The following ADAM19 variants were observed in gnomAD, a reference collection of about 807,000 sequenced individuals.
The protein encoded by ADAM19 is disintegrin and metalloproteinase domain-containing protein 19.
In ADAM19, 65 loss-of-function variants were observed where a neutral mutation model predicts 114.7. The ratio of observed to expected loss-of-function variants is 0.57; its 90% CI spans 0.46 to 0.70. ADAM19 has a LOEUF of 0.70. Among genes scored for constraint, ADAM19 ranks in the 30% least tolerant of loss-of-function variants. ADAM19 has a pLI of 0.00. For synonymous variants in ADAM19, 466 were observed against 460.5 expected (o/e 1.01, Z -0.15); for missense variants, 1,063 against 1,204.7 (o/e 0.88, Z 1.74).
chr5:157,523,296 T>G (rs939796980), intron 5 of ADAM19, among the ~76,000 whole-genome samples: 2 of 152,172 alleles, frequency 1.3e-5, no homozygotes. Context: ...TATTCTACAG[T>G]GTATTGAAAA....
chr5:157,511,267 C>G (rs1755912419), intron 8 of ADAM19, among the ~76,000 whole-genome samples: 1 of 152,090 alleles, frequency 6.6e-6, no homozygotes, highest in Non-Finnish European at 1.5e-5. Context: ...GTAGGTACTG[C>G]CCCAGCTGAA....
At chr5:157,481,607 T>C (rs374108235) in intron 22 of ADAM19, 184 bp downstream of exon 22, 4 of 1,537,620 alleles carry the variant, frequency 2.6e-6, no homozygotes, top group South Asian at 2.4e-5. Context: ...ACCTTTCACA[T>C]GAAGCCAAAA....
chr5:157,508,621 A>C (rs1458858812), intron 9 of ADAM19, among the ~76,000 whole-genome samples: 1 of 152,114 alleles, frequency 6.6e-6, no homozygotes, highest in Non-Finnish European at 1.5e-5. Context: ...AAAAAAGAAA[A>C]GAAGACAAAT....
chr5:157,538,929 C>T, intron 3 of ADAM19, among the ~76,000 whole-genome samples: 1 of 152,040 alleles, frequency 6.6e-6, no homozygotes, highest in South Asian at 2.1e-4. Flanking sequence ...CTTTGGGAGA[C>T]TGAGGTGGGC....
chr5:157,560,907 A>T (rs1049828223), intron 3 of ADAM19, among the ~76,000 whole-genome samples: 1 of 152,228 alleles, frequency 6.6e-6, no homozygotes, highest in Non-Finnish European at 1.5e-5. Context: ...AATACAAACA[A>T]GGCACTCTGC....
intron 9 of ADAM19, among the ~76,000 whole-genome samples, chr5:157,508,686 T>A (rs1029357699): frequency 1.1e-4 from 17 of 151,890 alleles, no homozygotes; most frequent in African/African-American, 3.9e-4. Flanking sequence ...CCTTCAGAAG[T>A]CAACACTAAT....
chr5:157,523,720 C>G (rs1217147882), intron 5 of ADAM19, among the ~76,000 whole-genome samples: 4 of 152,160 alleles, frequency 2.6e-5, no homozygotes, highest in Admixed American at 2.0e-4. Flanking sequence ...AATTACCCAG[C>G]CTTACGTATT....
chr5:157,513,629 T>C lies in ADAM19; in HGVS notation c.667-124A>G, dbSNP rs147243829. The C allele has an allele frequency of 6.0e-6, 5 of 832,680 alleles. No individual in the cohort carries two copies. The African/African-American group carries it at 6.8e-5, about 11-fold the overall frequency. 51.6% of individuals were successfully genotyped at this position (832,680 alleles called of 1,614,324 possible). ...TGTCTTCTATGAGCCATCATTTTTATGCAATTGTCTTCCCCACCACAGTAA... is the reference window on the plus strand; with the variant it reads ...TGTCTTCTATGAGCCATCATTTTTACGCAATTGTCTTCCCCACCACAGTAA... On this transcript the variant is annotated intron_variant, in intron 7 of 22. Transcript: ENST00000257527.
chr5:157,554,620 C>G (rs1416751391), intron 3 of ADAM19, among the ~76,000 whole-genome samples: 1 of 152,208 alleles, frequency 6.6e-6, no homozygotes, highest in Non-Finnish European at 1.5e-5. Flanking sequence ...TTAAGGTCAA[C>G]TCTTCTTAAT....
chr5:157,547,810 A>G (rs1757089775), intron 3 of ADAM19, among the ~76,000 whole-genome samples: 1 of 152,164 alleles, frequency 6.6e-6, no homozygotes, highest in African/African-American at 2.4e-5. Flanking sequence ...TTCTCTTTAT[A>G]TCAGCTACCT....
At position 157,564,403 on chromosome 5, in the gene ADAM19, C is replaced by T. The variant is rs770496865; in HGVS notation, c.221G>A (p.Arg74Gln). The change falls in exon 3 of 23, where the codon CGA (arginine) becomes CAA (glutamine). Residue 74 changes from arginine to glutamine, a missense_variant. Transcript: ENST00000257527. ...KAELRVMAEG[R>Q]ELILDLEKNE... ...CTTCTCCAGGTCCAGGATCAGTTCT[C>T]GCCCCTCAGCCATTACCCTGAGCTC... 9.9e-6 allele frequency: 16 copies of T among 1,614,078 alleles called. No individual in the cohort carries two copies. The highest frequency in any genetic ancestry group is 6.7e-5 in the East Asian group (3 of 44,902).
chr5:157,556,675 TGTA>T (rs2113785370), intron 3 of ADAM19, among the ~76,000 whole-genome samples: 1 of 152,344 alleles, frequency 6.6e-6, no homozygotes, highest in East Asian at 1.9e-4. Flanking sequence ...AGTGCTATAA[TGTA>T]GTAAGAGGCA....
intron 9 of ADAM19, among the ~76,000 whole-genome samples, chr5:157,507,549 C>T (rs182467893): frequency 3.1e-4 from 47 of 152,306 alleles, no homozygotes; most frequent in African/African-American, 1.1e-3. Context: ...CACCAGCTGC[C>T]GGGATCCAAT....
At chr5:157,563,804 G>A (rs1402105225) in intron 3 of ADAM19, among the ~76,000 whole-genome samples, 2 of 152,162 alleles carry the variant, frequency 1.3e-5, no homozygotes, top group South Asian at 2.1e-4. Context: ...ATGTGCAAGT[G>A]CCTCTGAGCC....
At chr5:157,553,090 T>C (rs943752624) in intron 3 of ADAM19, among the ~76,000 whole-genome samples, 3 of 152,014 alleles carry the variant, frequency 2.0e-5, no homozygotes, top group South Asian at 2.1e-4. Flanking sequence ...CAAAAAAGAA[T>C]AGAAAAAATG....
Position 157,480,942 on chromosome 5 carries a change from G to A in ADAM19, c.*7C>T, listed in dbSNP as rs779427488. On this transcript the variant is annotated 3_prime_UTR_variant, in exon 23 of 23. Coordinates refer to ENST00000257527, the MANE Select transcript of ADAM19 (RefSeq NM_033274.5). ...CTCAAGGAAAGGGAGAAGCCCCTTG[G>A]ACAGGTCTAGATTTTCGAGCTAATC... is the stretch of plus-strand genomic sequence containing the variant. 1 of 1,614,124 alleles carries A rather than the reference G, an allele frequency of 6.2e-7. No homozygotes were observed. The highest frequency in any genetic ancestry group is 8.5e-7 in the Non-Finnish European group (1 of 1,180,028).
At chr5:157,506,867 T>C (rs1755757909) in intron 10 of ADAM19, among the ~76,000 whole-genome samples, 189 bp downstream of exon 10, 1 of 152,208 alleles carries the variant, frequency 6.6e-6, no homozygotes, top group South Asian at 2.1e-4. Flanking sequence ...CTATAATAAA[T>C]GAAAATTCAC....
rs926084345 is a variant in ADAM19 at position 157,513,341 on chromosome 5, G to A, written c.738+93C>T. On this transcript the variant is annotated intron_variant, in intron 8 of 22. Transcript: ENST00000257527. Reference sequence around the variant, plus strand: ...ACTGCTCATTCCCTTTCAGAAGATGGCTGGGGCAGCCAATCCAGCAGAAGG... The same window carrying A: ...ACTGCTCATTCCCTTTCAGAAGATGACTGGGGCAGCCAATCCAGCAGAAGG... 5.5e-6 allele frequency: 7 copies of A among 1,276,072 alleles called. No individual in the cohort carries two copies. The African/African-American group carries it at 7.3e-5, about 13-fold the overall frequency. 79.0% of individuals were successfully genotyped at this position (1,276,072 alleles called of 1,614,324 possible). A position where few individuals can be genotyped will look rare whatever the true frequency, so the allele number is the denominator to read the frequency against.
rs1312944077 is a variant in ADAM19, at chr5:157,499,662, C to G, written c.1309G>C (p.Glu437Gln). Residue 437 changes from glutamate (E) to glutamine (Q), a missense_variant and splice_region_variant, in exon 13 of 23, where the codon GAA (glutamate) becomes CAA (glutamine). Transcript: ENST00000257527. ...GEECDCGEEE[E>Q]CNNPCCNASN... ...GCATTGCAGCAGGGGTTGTTACATT[C>G]CTGGGGAGGCAGTGGGGTGGGTGTG... 6.2e-7 allele frequency: 1 copy of G among 1,606,080 alleles called. No homozygotes were observed. The highest frequency in any genetic ancestry group is 8.5e-7 in the Non-Finnish European group (1 of 1,176,148).
Sources: gnomAD v4.1 joint callset for allele counts (sites outside exome capture counted in the v4.1 genomes callset) on GRCh38, gnomAD v4.1.1 for gene constraint, MANE v1.5 for transcripts, NCBI Gene and HGNC (gene_info 2026-07-23, HGNC 2026-07-21) for gene names.